Variants in STAU2 observed in about 807,000 individuals in gnomAD.
The protein encoded by STAU2 is staufen double-stranded RNA binding protein 2.
In STAU2, 20 loss-of-function variants were observed where a neutral mutation model predicts 65.9. The ratio of observed to expected loss-of-function variants is 0.30; its 90% CI spans 0.21 to 0.44. The LOEUF (loss-of-function observed/expected upper bound fraction) is 0.44, where lower values mean the gene tolerates loss of function less well. Ranked by LOEUF, STAU2 falls within the 20% of genes least tolerant of loss-of-function variation. STAU2 has a pLI of 1.00. For missense variants in STAU2, 558 were observed against 683.9 expected, an observed-to-expected ratio of 0.82 and a Z score of 2.05; for synonymous variants, 232 against 233.9, an observed-to-expected ratio of 0.99 and a Z score of 0.07.
chr8:73,438,808 A>G (rs1817903253), intron 13 of STAU2: 2 of 387,660 alleles, frequency 5.2e-6, no homozygotes, highest in Non-Finnish European at 1.0e-5. Context: ...ACAAGGCCAC[A>G]TAGGTAAACA....
chr8:73,697,922 A>G (rs1819796168), intron 4 of STAU2, among the ~76,000 whole-genome samples: 1 of 152,014 alleles, frequency 6.6e-6, no homozygotes, highest in Admixed American at 6.6e-5. Flanking sequence ...TCTACTAAAA[A>G]TACAAAAATT....
At chr8:73,714,961 A>G in intron 3 of STAU2, among the ~76,000 whole-genome samples, 1 of 151,636 alleles carries the variant, frequency 6.6e-6, no homozygotes, top group Non-Finnish European at 1.5e-5. Context: ...GGTGCCTGTA[A>G]TCCCAGCTAC....
intron 6 of STAU2, among the ~76,000 whole-genome samples, chr8:73,664,498 T>C (rs1442733269): frequency 6.6e-6 from 1 of 152,212 alleles, no homozygotes; most frequent in South Asian, 2.1e-4. Context: ...GTCTATATCA[T>C]TAGTGAGCGC....
chr8:73,429,158 T>G (rs997782402), intron 13 of STAU2, among the ~76,000 whole-genome samples: 4 of 152,262 alleles, frequency 2.6e-5, no homozygotes, highest in African/African-American at 9.6e-5. Context: ...TCTTTTCAAT[T>G]TATAAGAGGC....
At chr8:73,721,756 T>C (rs370588662) in intron 3 of STAU2, among the ~76,000 whole-genome samples, 6 of 152,198 alleles carry the variant, frequency 3.9e-5, no homozygotes, top group Non-Finnish European at 8.8e-5. Context: ...CCATATTATA[T>C]CTTTTCCCAT....
At chr8:73,609,081 A>G (rs1428775121) in intron 9 of STAU2, among the ~76,000 whole-genome samples, 1 of 152,184 alleles carries the variant, frequency 6.6e-6, no homozygotes, top group Non-Finnish European at 1.5e-5. Context: ...GAGGTTTAGA[A>G]GGGAAAATGA....
chr8:73,543,225 T>A (rs1293311729), intron 13 of STAU2, among the ~76,000 whole-genome samples: 1 of 152,150 alleles, frequency 6.6e-6, no homozygotes, highest in East Asian at 1.9e-4. Flanking sequence ...CAAAACTAAT[T>A]TTTAGTGCCA....
intron 6 of STAU2, among the ~76,000 whole-genome samples, chr8:73,658,021 A>T (rs371172336): frequency 8.4e-4 from 128 of 151,846 alleles, no homozygotes; most frequent in East Asian, 2.7e-3. Context: ...AAAAAAAAAA[A>T]ATATTTAAAA....
In STAU2 at chr8:73,619,697, G is replaced by A. The variant is rs182626799; in HGVS notation, c.411-2246C>T. ...GGGTAAGTGTAAAGGAATCAAAAAA[G>A]AGCCTAAGGCTCGGAACTGATTAAT... On this transcript the variant is annotated intron_variant, in intron 6 of 14. Transcript: ENST00000524300. Among the ~76,000 whole-genome samples the A allele has an allele frequency of 6.0e-4, 91 of 152,296 alleles. 1 individual carries two copies. Among genetic ancestry groups the A allele is most frequent in the African/African-American group, 2.2e-3 (91 of 41,574 alleles).
At chr8:73,544,571 A>G (rs1333375326) in intron 13 of STAU2, among the ~76,000 whole-genome samples, 1 of 152,164 alleles carries the variant, frequency 6.6e-6, no homozygotes, top group East Asian at 1.9e-4. Flanking sequence ...TCTGCCTATA[A>G]TTCCTTTTCT....
At chr8:73,631,714 A>G (rs1327573599) in intron 6 of STAU2, among the ~76,000 whole-genome samples, 1 of 152,176 alleles carries the variant, frequency 6.6e-6, no homozygotes, top group African/African-American at 2.4e-5. Flanking sequence ...GAATGTCAAC[A>G]AATCATAAGG....
chr8:73,521,440 C>A (rs568373657), intron 13 of STAU2, among the ~76,000 whole-genome samples: 1 of 152,224 alleles, frequency 6.6e-6, no homozygotes, highest in South Asian at 2.1e-4. Context: ...GTACGGAGAG[C>A]CTAGCACATA....
intron 4 of STAU2, among the ~76,000 whole-genome samples, chr8:73,702,502 T>C (rs1205992105): frequency 6.6e-6 from 1 of 152,140 alleles, no homozygotes; most frequent in Non-Finnish European, 1.5e-5. Flanking sequence ...TATACCAAAA[T>C]ATCTCATGTA....
chr8:73,542,755 A>C (rs1806627371), intron 13 of STAU2, among the ~76,000 whole-genome samples: 1 of 152,180 alleles, frequency 6.6e-6, no homozygotes, highest in Non-Finnish European at 1.5e-5. Flanking sequence ...AAACTAAGAT[A>C]TCAATGAGAC....
chr8:73,442,797 G>A (rs1818257855), intron 13 of STAU2, among the ~76,000 whole-genome samples: 1 of 152,170 alleles, frequency 6.6e-6, no homozygotes, highest in South Asian at 2.1e-4. Flanking sequence ...CATGACAACT[G>A]GCATTTCCTA....
At chr8:73,495,651 T>C (rs1821371590) in intron 13 of STAU2, among the ~76,000 whole-genome samples, 2 of 82,104 alleles carry the variant, frequency 2.4e-5, no homozygotes, top group Non-Finnish European at 4.4e-5. Flanking sequence ...AAGGAATGAT[T>C]CATAAAGCCA....
In STAU2 at chr8:73,581,860, T is replaced by C. The variant is rs1223445440; in HGVS notation, c.1222+910A>G. Among the ~76,000 whole-genome samples, 3 of 152,340 alleles carry C rather than the reference T, an allele frequency of 2.0e-5. No individual in the cohort carries two copies. The East Asian group carries it at 5.8e-4, about 29-fold the overall frequency. On this transcript the variant is annotated intron_variant, in intron 12 of 14. Coordinates refer to ENST00000524300, the MANE Select transcript of STAU2 (RefSeq NM_001164380.2). ...TAAGAATTTGTTACTAATTTCATTA[T>C]ACATCAAGAGACGAGCCACTAATAT...
At chr8:73,549,845 A>G (rs1807198086) in intron 13 of STAU2, 1 of 985,552 alleles carries the variant, frequency 1.0e-6, no homozygotes, top group Non-Finnish European at 1.2e-6. Context: ...AATAGTGTAT[A>G]ATCTGTAACA....
chr8:73,598,246 G>C (rs1157373436), intron 10 of STAU2, among the ~76,000 whole-genome samples: 2 of 57,276 alleles, frequency 3.5e-5, no homozygotes, highest in Admixed American at 1.8e-4. Context: ...TTTTTTTTTT[G>C]GGATGGAGTC....
Sources: gnomAD v4.1 joint callset for allele counts (sites outside exome capture counted in the v4.1 genomes callset) on GRCh38, gnomAD v4.1.1 for gene constraint, MANE v1.5 for transcripts, NCBI Gene and HGNC (gene_info 2026-07-23, HGNC 2026-07-21) for gene names.